DNAH8: variants seen among roughly 807,000 people sequenced by gnomAD.
DNAH8 encodes the protein dynein axonemal heavy chain 8.
In DNAH8, 382 loss-of-function variants were observed where a neutral mutation model predicts 562.1. The ratio of observed to expected loss-of-function variants is 0.68; its 90% CI spans 0.63 to 0.74. The LOEUF is 0.74. DNAH8 is among the 30% of genes least tolerant of loss of function. The pLI, the probability that DNAH8 is intolerant of heterozygous loss-of-function variation, is 0.00. For synonymous variants in DNAH8, 1,881 were observed against 1,919.4 expected (o/e 0.98, Z 0.52); for missense variants, 5,203 against 5,620.4 (o/e 0.93, Z 2.37).
chr6:38,968,637 T>C (rs6458088), intron 82 of DNAH8, among the ~76,000 whole-genome samples: 132,826 of 152,158 alleles, frequency 0.87, 58,031 homozygotes, highest in East Asian at 0.93. Flanking sequence ...CAACAGCAAG[T>C]ATTGGTAAGG....
rs752732695 is a variant in DNAH8, at chr6:38,722,841, C to G, written c.32C>G (p.Ser11Cys). Reference protein sequence around the residue: MEKDAEDGAPSEGAEAPPSTE... With the variant: MEKDAEDGAPCEGAEAPPSTE... Reference sequence around the variant, plus strand: ...AAGGATGCTGAAGATGGCGCCCCTTCTGAGGGAGCAGAGGCTCCTCCCTCT... The same window carrying G: ...AAGGATGCTGAAGATGGCGCCCCTTGTGAGGGAGCAGAGGCTCCTCCCTCT... Residue 11 changes from serine to cysteine, a missense_variant, in exon 2 of 93, where the codon TCT becomes TGT. Physicochemically the swap from Ser to Cys is moderately radical, Grantham distance 112. Around this residue, in one of 6 missense-constraint regions of DNAH8, gnomAD observed 556 missense variants for 496.9 expected, o/e 1.12. Transcript: ENST00000327475. The G allele has an allele frequency of 6.2e-7, 1 of 1,605,032 alleles. No individual in the cohort carries two copies. Among genetic ancestry groups the G allele is most frequent in the Non-Finnish European group, 8.5e-7 (1 of 1,175,826 alleles).
chr6:38,949,609 TA>T (rs1561903839), intron 81 of DNAH8, 39 bp downstream of exon 81: 2 of 1,153,838 alleles, frequency 1.7e-6, no homozygotes, highest in Admixed American at 3.7e-5. Flanking sequence ...GCATCACTCA[TA>T]ATATTGCTAA....
chr6:38,735,932 G>A (rs1270202453), intron 5 of DNAH8, among the ~76,000 whole-genome samples: 1 of 152,104 alleles, frequency 6.6e-6, no homozygotes, highest in African/African-American at 2.4e-5. Flanking sequence ...GAGCTCAGGA[G>A]TTCGAGACCA....
At chr6:38,901,895 G>GT in intron 62 of DNAH8, among the ~76,000 whole-genome samples, 1 of 152,258 alleles carries the variant, frequency 6.6e-6, no homozygotes, top group African/African-American at 2.4e-5. Context: ...TTAGAAAAGC[G>GT]TATTTCTGAC....
At chr6:38,955,229 C>T (rs1204819682) in intron 82 of DNAH8, among the ~76,000 whole-genome samples, 2 of 152,126 alleles carry the variant, frequency 1.3e-5, no homozygotes, top group Non-Finnish European at 2.9e-5. Flanking sequence ...CCTCCTTGGC[C>T]TCCTAAAGTG....
intron 52 of DNAH8, among the ~76,000 whole-genome samples, chr6:38,873,788 G>A (rs890156439): frequency 6.7e-6 from 1 of 149,190 alleles, no homozygotes; most frequent in African/African-American, 2.5e-5. Context: ...TCCAGCTGGG[G>A]CGACAGAGTG....
intron 38 of DNAH8, 141 bp from the exon 39 acceptor site, chr6:38,851,431 C>T (rs2150388601): frequency 1.7e-6 from 1 of 578,972 alleles, no homozygotes; most frequent in Non-Finnish European, 3.0e-6. Flanking sequence ...TTTCACCAAA[C>T]ATTGCAGGGG....
At chr6:38,863,815 T>A in intron 44 of DNAH8, 58 bp from the exon 45 acceptor site, 1 of 1,395,160 alleles carries the variant, frequency 7.2e-7, no homozygotes, top group Non-Finnish European at 9.7e-7. Context: ...GAAATGATTG[T>A]TATCAAGAAG....
In DNAH8 at chr6:38,938,883, G is replaced by A. The variant is rs533107744; in HGVS notation, c.11902G>A (p.Gly3968Ser). 8.7e-6 allele frequency: 14 copies of A among 1,613,154 alleles called. No individual in the cohort carries two copies. The African/African-American group carries it at 1.7e-4, about 20-fold the overall frequency. The change falls in exon 79 of 93, where the codon GGC (glycine) becomes AGC (serine). Residue 3968 changes from glycine (G) to serine (S), a missense_variant. Physicochemically the swap from Gly to Ser is moderately conservative, Grantham distance 56. Around this residue, in one of 6 missense-constraint regions of DNAH8, gnomAD observed 1,399 missense variants for 1,518.4 expected, o/e 0.92. Coordinates refer to ENST00000327475, the MANE Select transcript of DNAH8 (RefSeq NM_001206927.2). ...TGAAGTTTTTACATACTCTGTCAGA[G>A]GCCTATACGAAAACCACAAATTCCT... ...TYEVFTYSVR[G>S]LYENHKFLFV...
rs772470527 is a variant in DNAH8, at chr6:38,911,455, G to T, written c.9741-13G>T. On this transcript the variant is annotated splice_polypyrimidine_tract_variant and intron_variant, in intron 65 of 92. Transcript: ENST00000327475. ...CAATGATTGAAATGGTCCTTTTAAT[G>T]TTCTGCTTTCAGATACCGCCGAAGA... 5 of 1,572,548 alleles carry T rather than the reference G, an allele frequency of 3.2e-6. No homozygotes were observed. In the South Asian group the frequency reaches 5.5e-5, roughly 17 times the overall value.
At chr6:38,730,243 G>C (rs980638550) in intron 4 of DNAH8, among the ~76,000 whole-genome samples, 3 of 152,150 alleles carry the variant, frequency 2.0e-5, no homozygotes, top group Non-Finnish European at 4.4e-5. Context: ...ATTTTCATTA[G>C]AATTTAATTG....
At chr6:38,740,948 A>G (rs1764474061) in intron 7 of DNAH8, among the ~76,000 whole-genome samples, 1 of 152,182 alleles carries the variant, frequency 6.6e-6, no homozygotes, top group South Asian at 2.1e-4. Context: ...AGCAAACTAT[A>G]TCATCTGTGA....
intron 82 of DNAH8, among the ~76,000 whole-genome samples, chr6:38,971,253 A>G (rs1207036084): frequency 6.6e-6 from 1 of 152,170 alleles, no homozygotes; most frequent in African/African-American, 2.4e-5. Flanking sequence ...TTTTCCCTAC[A>G]AATACCTGTG....
intron 21 of DNAH8, among the ~76,000 whole-genome samples, chr6:38,792,287 C>T (rs1026114955): frequency 2.0e-5 from 3 of 152,064 alleles, no homozygotes; most frequent in African/African-American, 7.2e-5. Context: ...GGGGTTTTGC[C>T]ATGTTGGCCA....
chr6:38,913,752 C>T, intron 66 of DNAH8, 97 bp from the exon 67 acceptor site: 1 of 754,834 alleles, frequency 1.3e-6, no homozygotes, highest in South Asian at 2.3e-5. Context: ...TGTTATATTA[C>T]ATGTACAGTG....
In DNAH8 at chr6:39,010,827, ATGT is replaced by A. The variant is rs1766164834; in HGVS notation, c.13372-1387_13372-1385del. Among the ~76,000 whole-genome samples, 27 of 41,616 alleles carry A rather than the reference ATGT, an allele frequency of 6.5e-4. No individual in the cohort carries two copies. In the South Asian group the frequency reaches 0.018, roughly 28 times the overall value. The allele number at this position is 41,616 out of a possible 152,430, so 27.3% of individuals were successfully genotyped here. On this transcript the variant is annotated intron_variant, in intron 89 of 92. Coordinates refer to ENST00000327475, the MANE Select transcript of DNAH8 (RefSeq NM_001206927.2). ...CACACACACACACACACACGTATGT[ATGT>A]ATGTATGTATGTATGTATGTATGTA...
chr6:38,851,905 C>T (rs1775778647), intron 39 of DNAH8, among the ~76,000 whole-genome samples: 1 of 152,152 alleles, frequency 6.6e-6, no homozygotes, highest in Non-Finnish European at 1.5e-5. Flanking sequence ...GTGATCTTGG[C>T]AGGCTTCCTA....
rs1362769199 is a variant in DNAH8 at position 38,951,334 on chromosome 6, C to T, written c.12265C>T (p.Arg4089Cys). 13 of 1,613,926 alleles carry T rather than the reference C, an allele frequency of 8.1e-6. No individual in the cohort carries two copies. The highest frequency in any genetic ancestry group is 4.0e-5 in the African/African-American group (3 of 74,964). Residue 4089 changes from arginine (R) to cysteine (C), a missense_variant, in exon 82 of 93, where the codon CGT becomes TGT. Physicochemically the swap from Arg to Cys is radical, Grantham distance 180. Transcript: ENST00000327475. Reference protein sequence around the residue: ...LLLIRSWCPDRTVFQARKYIA... With the variant: ...LLLIRSWCPDCTVFQARKYIA... ...CATTTTTAGGTCTTGGTGCCCAGACCGTACTGTTTTTCAAGCAAGAAAGTA... is the reference window on the plus strand; with the variant it reads ...CATTTTTAGGTCTTGGTGCCCAGACTGTACTGTTTTTCAAGCAAGAAAGTA...
At chr6:38,836,894 A>G (rs1171384628) in intron 32 of DNAH8, among the ~76,000 whole-genome samples, 10 of 142,476 alleles carry the variant, frequency 7.0e-5, no homozygotes, top group Non-Finnish European at 1.5e-4. Context: ...ACCTGAAGGA[A>G]AAAAAAGGTG....
Sources: allele counts gnomAD v4.1 joint callset (sites outside exome capture counted in the v4.1 genomes callset), GRCh38; gene constraint gnomAD v4.1.1; regional missense constraint gnomAD v4.1.1; transcripts MANE v1.5; gene names NCBI Gene and HGNC (gene_info 2026-07-23, HGNC 2026-07-21).